RBFOX2: variants seen among roughly 807,000 people sequenced by gnomAD.
RBFOX2 encodes the protein RNA binding protein fox-1 homolog 2.
Under a neutral mutation model 49.1 loss-of-function variants are expected in RBFOX2, and 10 were observed. The observed-to-expected ratio is 0.20, with a 90% confidence interval of 0.13 to 0.35. The LOEUF is 0.35. Ranked by LOEUF, RBFOX2 falls within the 10% of genes least tolerant of loss-of-function variation. RBFOX2 has a pLI of 1.00. For synonymous variants in RBFOX2, 183 were observed against 187.4 expected (o/e 0.98, Z 0.19); for missense variants, 323 against 486.9 (o/e 0.66, Z 3.17).
exon 12 of RBFOX2, chr22:35,743,905 G>C: frequency 3.2e-6 from 1 of 313,994 alleles, no homozygotes; most frequent in Non-Finnish European, 5.7e-6. Flanking sequence ...AGCTAAGCAC[G>C]GACATACAGA....
In RBFOX2 at chr22:35,775,829, G is replaced by C. The variant is rs1425210074; in HGVS notation, c.453+2196C>G. On this transcript the variant is annotated intron_variant, in intron 4 of 11. Transcript: ENST00000405409. ...GCAACTTTAGCCTGGGCAACAGAGCGAGAATCTGCCTCAAAAAAAAAAAAA... is the reference window on the plus strand; with the variant it reads ...GCAACTTTAGCCTGGGCAACAGAGCCAGAATCTGCCTCAAAAAAAAAAAAA... Among the ~76,000 whole-genome samples, 3 of 118,948 alleles carry C rather than the reference G, an allele frequency of 2.5e-5. No individual in the cohort carries two copies. In the East Asian group the frequency reaches 6.9e-4, roughly 27 times the overall value. 78.0% of individuals were successfully genotyped at this position (118,948 alleles called of 152,430 possible). A position where few individuals can be genotyped will look rare whatever the true frequency, so the allele number is the denominator to read the frequency against.
At chr22:35,993,194 G>A (rs1469074821) in intron 1 of RBFOX2, 1 of 152,138 alleles carries the variant, frequency 6.6e-6, no homozygotes, top group Admixed American at 6.5e-5. Context: ...GGACCATTTT[G>A]ATTACAGGTC....
At chr22:35,932,075 A>G (rs1249697055) in intron 1 of RBFOX2, among the ~76,000 whole-genome samples, 1 of 152,216 alleles carries the variant, frequency 6.6e-6, no homozygotes, top group Non-Finnish European at 1.5e-5. Flanking sequence ...CCTTGGGGTC[A>G]GTCTTTTTTT....
At chr22:35,975,657 A>T (rs917146354) in intron 1 of RBFOX2, among the ~76,000 whole-genome samples, 2 of 152,210 alleles carry the variant, frequency 1.3e-5, no homozygotes, top group Non-Finnish European at 2.9e-5. Context: ...AGCAAAATTC[A>T]GATCTATGAT....
chr22:35,909,747 G>A (rs541135177), intron 1 of RBFOX2, among the ~76,000 whole-genome samples: 20 of 152,286 alleles, frequency 1.3e-4, no homozygotes, highest in Admixed American at 4.6e-4. Flanking sequence ...GGGTAGCTGG[G>A]ATTACAGGCA....
At chr22:35,943,802 G>C (rs961674033), upstream of RBFOX2, among the ~76,000 whole-genome samples, 1 of 152,196 alleles carries the variant, frequency 6.6e-6, no homozygotes, top group Non-Finnish European at 1.5e-5. Context: ...CTACTCGGGA[G>C]GCTGAGGCAG....
chr22:35,995,265 G>C (rs2058142703), intron 1 of RBFOX2: 1 of 152,198 alleles, frequency 6.6e-6, no homozygotes, highest in Non-Finnish European at 1.5e-5. Context: ...GAAATGGAAA[G>C]ATGCAGTTTG....
intron 6 of RBFOX2, 143 bp downstream of exon 7, chr22:35,765,275 AAAAAT>A (rs1382763934): frequency 1.0e-5 from 6 of 599,934 alleles, no homozygotes; most frequent in African/African-American, 2.0e-5. Context: ...GTTATTCTGT[AAAAAT>A]AAAATACTCT....
intron 1 of RBFOX2, among the ~76,000 whole-genome samples, chr22:35,954,726 C>T (rs566928510): frequency 6.6e-6 from 1 of 152,286 alleles, no homozygotes; most frequent in Non-Finnish European, 1.5e-5. Flanking sequence ...GTGTCTGCAA[C>T]TTGGTAGGAA....
At chr22:35,898,025 TGACCACATTG>T in intron 1 of RBFOX2, 1 of 724,830 alleles carries the variant, frequency 1.4e-6, no homozygotes, top group Non-Finnish European at 2.6e-6. Flanking sequence ...ACAAGATTTA[TGACCACATTG>T]CTGTGTTCCA....
chr22:35,948,919 C>T (rs992038424), intron 1 of RBFOX2, among the ~76,000 whole-genome samples: 1 of 152,134 alleles, frequency 6.6e-6, no homozygotes, highest in Non-Finnish European at 1.5e-5. Context: ...ATCTCCAGAA[C>T]TTTCTGATCT....
chr22:35,886,976 G>A lies in RBFOX2; in HGVS notation c.-34+51871C>T, dbSNP rs76918344. 3.2e-3 allele frequency among the ~76,000 whole-genome samples: 491 copies of A among 152,242 alleles called. 1 individual carries two copies. Among genetic ancestry groups the A allele is most frequent in the African/African-American group, 0.011 (459 of 41,550 alleles). On this transcript the variant is annotated intron_variant, in intron 1 of 13. Transcript: ENST00000359369. ...GTTTAATCCTCCACCCTCCCTCTCC[G>A]TCTTGTCAATATGTGTGCTTTGACC...
At chr22:35,780,683 TATTTC>T (rs1483194620) in intron 3 of RBFOX2, among the ~76,000 whole-genome samples, 1 of 152,220 alleles carries the variant, frequency 6.6e-6, no homozygotes, top group African/African-American at 2.4e-5. Context: ...TCACAAATGT[TATTTC>T]ATTTAATTTA....
chr22:35,850,130 T>C (rs1228996674), intron 1 of RBFOX2, among the ~76,000 whole-genome samples: 1 of 151,650 alleles, frequency 6.6e-6, no homozygotes, highest in African/African-American at 2.4e-5. Context: ...TACTACTCTA[T>C]TCTTTCTTGG....
chr22:35,772,475 A>C (rs1051569657), intron 4 of RBFOX2, among the ~76,000 whole-genome samples: 2 of 152,120 alleles, frequency 1.3e-5, no homozygotes, highest in African/African-American at 4.8e-5. Context: ...GCTAATTCTG[A>C]AATCTGGTGT....
intron 1 of RBFOX2, among the ~76,000 whole-genome samples, chr22:35,896,249 G>A (rs567940307): frequency 2.0e-5 from 3 of 152,172 alleles, no homozygotes; most frequent in Admixed American, 6.5e-5. Context: ...CTAACATCTC[G>A]TCTTGGCTCA....
chr22:36,025,256 A>G (rs1408036540), intron 1 of RBFOX2, among the ~76,000 whole-genome samples: 2 of 152,166 alleles, frequency 1.3e-5, no homozygotes, highest in Non-Finnish European at 2.9e-5. Flanking sequence ...AGTCTTTCTC[A>G]ATGCCTGTGC....
chr22:35,765,775 C>G (rs1940757269), intron 5 of RBFOX2, among the ~76,000 whole-genome samples: 1 of 151,976 alleles, frequency 6.6e-6, no homozygotes, highest in Non-Finnish European at 1.5e-5. Context: ...AATCTCTGCA[C>G]TAAGGAAAAC....
intron 1 of RBFOX2, among the ~76,000 whole-genome samples, chr22:36,006,226 TGCTA>T (rs2058613367): frequency 6.6e-6 from 1 of 152,232 alleles, no homozygotes; most frequent in East Asian, 1.9e-4. Context: ...CAGCATTCCA[TGCTA>T]TGAAGAGCAA....
Sources: gnomAD v4.1 joint callset for allele counts (sites outside exome capture counted in the v4.1 genomes callset) on GRCh38, gnomAD v4.1.1 for gene constraint, MANE v1.5 for transcripts, NCBI Gene and HGNC (gene_info 2026-07-23, HGNC 2026-07-21) for gene names.